Variants in MORN1 observed in about 807,000 individuals in gnomAD.
MORN1 encodes the protein MORN repeat-containing protein 1.
Under a neutral mutation model 61.9 loss-of-function variants are expected in MORN1, and 67 were observed. That is an observed-to-expected ratio of 1.08 (90% CI 0.89 to 1.33). The LOEUF is 1.33. Ranked by LOEUF, MORN1 falls within the 40% of genes most tolerant of loss-of-function variation. The pLI, the probability that MORN1 is intolerant of heterozygous loss-of-function variation, is 0.00. For missense variants in MORN1, 752 were observed against 691.2 expected, an observed-to-expected ratio of 1.09 and a Z score of -0.99; for synonymous variants, 301 against 292.0, an observed-to-expected ratio of 1.03 and a Z score of -0.31.
At chr1:2,385,168 C>A (rs763478168) in intron 5 of MORN1, 103 bp from the exon 6 acceptor site, 1 of 1,253,016 alleles carries the variant, frequency 8.0e-7, no homozygotes, top group Admixed American at 2.3e-5. Context: ...ACTGCGGGAC[C>A]GAGGCAAAAA....
intron 1 of MORN1, chr1:2,390,669 T>C: frequency 2.0e-6 from 2 of 985,186 alleles, no homozygotes; most frequent in African/African-American, 1.7e-5. Context: ...GGTCAGGTTC[T>C]ACCTGAAGAT....
chr1:2,391,518 C>G lies in MORN1; in HGVS notation c.16G>C (p.Glu6Gln), dbSNP rs537348202. The change falls in exon 1 of 14, where the codon GAG becomes CAG. Residue 6 changes from glutamate to glutamine, a missense_variant. Glu to Gln is a conservative substitution (Grantham distance 29). Transcript: ENST00000378531. MAAAG[E>Q]GTPSSRGPRR... ...GGCCCGCGGGAGCTCGGGGTGCCCT[C>G]GCCCGCCGCTGCCATCTTGCCGCCG... 1.6e-5 allele frequency: 20 copies of G among 1,250,048 alleles called. No individual in the cohort carries two copies. Among genetic ancestry groups the G allele is most frequent in the Non-Finnish European group, 1.9e-5 (19 of 991,368 alleles). The allele number at this position is 1,250,048 out of a possible 1,614,324, so 77.4% of individuals were successfully genotyped here.
rs113500496 is a variant in MORN1, at chr1:2,324,847, G to A, written c.1251-704C>T. Among the ~76,000 whole-genome samples, 115 of 152,114 alleles carry A rather than the reference G, an allele frequency of 7.6e-4. 1 individual carries two copies. The highest frequency in any genetic ancestry group is 2.6e-3 in the African/African-American group (108 of 41,522). On this transcript the variant is annotated intron_variant, in intron 12 of 13. Transcript: ENST00000378531. ...GGCCTGTTCCTCCTGCCTGGACAGC[G>A]CCTCGGGGCACCCACGGGCTGGGGC...
intron 1 of MORN1, chr1:2,390,504 T>C (rs1642623768): frequency 1.0e-6 from 1 of 985,406 alleles, no homozygotes; most frequent in Non-Finnish European, 1.2e-6. Context: ...TCCTAGTTGC[T>C]GGGTGTGCCA....
intron 6 of MORN1, among the ~76,000 whole-genome samples, chr1:2,381,605 TTA>T (rs1642373119): frequency 6.6e-6 from 1 of 152,094 alleles, no homozygotes; most frequent in Non-Finnish European, 1.5e-5. Context: ...GGAGGTCATG[TTA>T]TAACCCCAGG....
intron 9 of MORN1, 46 bp downstream of exon 9, chr1:2,358,546 C>A: frequency 1.2e-6 from 2 of 1,612,112 alleles, no homozygotes; most frequent in African/African-American, 2.7e-5. Flanking sequence ...CCTAAATGAA[C>A]TCAAAACAAA....
chr1:2,354,273 T>C (rs1641712742), intron 10 of MORN1, among the ~76,000 whole-genome samples: 1 of 152,080 alleles, frequency 6.6e-6, no homozygotes, highest in African/African-American at 2.4e-5. Context: ...TGAGGGGTTA[T>C]ACAGTTTTAA....
intron 10 of MORN1, among the ~76,000 whole-genome samples, chr1:2,348,435 T>C (rs1369905321): frequency 1.3e-5 from 2 of 152,070 alleles, no homozygotes; most frequent in Non-Finnish European, 2.9e-5. Context: ...CTGCCCTCCA[T>C]GGGGGAAGTG....
rs374707849 is a variant in MORN1, at chr1:2,321,558, C to T, written c.1319G>A (p.Arg440His). 133 of 1,517,970 alleles carry T rather than the reference C, an allele frequency of 8.8e-5. No homozygotes were observed. The highest frequency in any genetic ancestry group is 6.9e-4 in the Middle Eastern group (4 of 5,802). 94.0% of individuals were successfully genotyped at this position (1,517,970 alleles called of 1,614,324 possible). A position where few individuals can be genotyped will look rare whatever the true frequency, so the allele number is the denominator to read the frequency against. Residue 440 changes from arginine to histidine, a missense_variant, in exon 14 of 14, where the codon CGC becomes CAC. Transcript: ENST00000378531. The stretch of plus-strand genomic sequence containing the variant: ...CAGGAACGGCGGGGTGGTCACGTCG[C>T]GGATCATGAGCACGTACTCCCCTGC... ...AHLGEYVLMI[R>H]DVTTPPFLGR... is the part of the protein sequence containing the mutation.
chr1:2,348,634 C>T (rs547757166), intron 10 of MORN1, among the ~76,000 whole-genome samples: 283 of 152,026 alleles, frequency 1.9e-3, no homozygotes, highest in African/African-American at 6.3e-3. Flanking sequence ...CACGCACACA[C>T]GCACCTGCGC....
At chr1:2,383,690 CCTAT>C (rs780654727) in intron 6 of MORN1, among the ~76,000 whole-genome samples, 21 of 151,666 alleles carry the variant, frequency 1.4e-4, no homozygotes, top group Non-Finnish European at 2.8e-4. Flanking sequence ...ACGCGTGGTT[CCTAT>C]CTGTTAGTGC....
At chr1:2,385,959 C>T in intron 4 of MORN1, 62 bp from the exon 5 acceptor site, 1 of 1,434,602 alleles carries the variant, frequency 7.0e-7, no homozygotes, top group South Asian at 1.1e-5. Context: ...GAGAAGGGAT[C>T]TGCCCTCCGC....
intron 8 of MORN1, among the ~76,000 whole-genome samples, chr1:2,370,944 G>A (rs372571173): frequency 6.6e-5 from 10 of 150,780 alleles, no homozygotes; most frequent in East Asian, 3.9e-4. Flanking sequence ...GGTGGCTCAC[G>A]TCTGTAATCC....
At chr1:2,356,142 G>C (rs1306496332) in intron 10 of MORN1, among the ~76,000 whole-genome samples, 1 of 152,172 alleles carries the variant, frequency 6.6e-6, no homozygotes. Flanking sequence ...GGCACTTGGG[G>C]AGGCGGCGCG....
Position 2,342,877 on chromosome 1 carries a change from T to TTTTATTTTA in MORN1, c.1037-6036_1037-6028dup, listed in dbSNP as rs1422170517. On this transcript the variant is annotated intron_variant, in intron 10 of 13. Coordinates refer to ENST00000378531, the MANE Select transcript of MORN1 (RefSeq NM_024848.3). ...ATTTTATTTTATTTTATTTATTTTA[T>TTTTATTTTA]TTTATTTTATTTTATTTTATTTTAT... Among the ~76,000 whole-genome samples the TTTTATTTTA allele has an allele frequency of 6.2e-3, 552 of 89,036 alleles. 2 individuals are homozygous for TTTTATTTTA. The highest frequency in any genetic ancestry group is 0.028 in the Middle Eastern group (6 of 216). 58.4% of individuals were successfully genotyped at this position (89,036 alleles called of 152,430 possible). A position where few individuals can be genotyped will look rare whatever the true frequency, so the allele number is the denominator to read the frequency against.
At chr1:2,327,479 CACAGAA>C (rs765949154) in intron 12 of MORN1, among the ~76,000 whole-genome samples, 41 of 149,746 alleles carry the variant, frequency 2.7e-4, no homozygotes, top group Admixed American at 1.7e-3. Flanking sequence ...CACAGAAACA[CACAGAA>C]ACAGAAACAC....
intron 8 of MORN1, among the ~76,000 whole-genome samples, chr1:2,368,314 G>A (rs913013833): frequency 1.6e-4 from 24 of 152,354 alleles, no homozygotes; most frequent in African/African-American, 5.3e-4. Context: ...CCTGCAGAGC[G>A]GGGCTGCCCC....
At chr1:2,325,126 C>T (rs1569904080) in intron 12 of MORN1, among the ~76,000 whole-genome samples, 3 of 79,678 alleles carry the variant, frequency 3.8e-5, no homozygotes, top group East Asian at 4.3e-4. Context: ...TCCTTCCCTT[C>T]CTTCCTTCCC....
At chr1:2,384,007 T>C (rs934462947) in intron 6 of MORN1, among the ~76,000 whole-genome samples, 1 of 152,228 alleles carries the variant, frequency 6.6e-6, no homozygotes, top group South Asian at 2.1e-4. Flanking sequence ...ACGTTGCTCT[T>C]CCTTCTCCTG....
Sources: allele counts gnomAD v4.1 joint callset (sites outside exome capture counted in the v4.1 genomes callset), GRCh38; gene constraint gnomAD v4.1.1; transcripts MANE v1.5; gene names NCBI Gene and HGNC (gene_info 2026-07-23, HGNC 2026-07-21).